CNTLN: variants seen among roughly 807,000 people sequenced by gnomAD.
The protein encoded by CNTLN is centlein, also known as centlein, centrosomal protein.
In CNTLN, 212 loss-of-function variants were observed where a neutral mutation model predicts 180.0. That is an observed-to-expected ratio of 1.18 (90% CI 1.05 to 1.32). The LOEUF is 1.32. Among genes scored for constraint, CNTLN ranks in the 40% most tolerant of loss-of-function variants. The pLI, the probability that CNTLN is intolerant of heterozygous loss-of-function variation, is 0.00. For missense variants in CNTLN, 2,095 were observed against 1,610.9 expected, an observed-to-expected ratio of 1.30 and a Z score of -5.14; for synonymous variants, 722 against 563.1, an observed-to-expected ratio of 1.28 and a Z score of -3.99.
chr9:17,177,378 C>T (rs1820784933), intron 2 of CNTLN, among the ~76,000 whole-genome samples: 1 of 151,812 alleles, frequency 6.6e-6, no homozygotes, highest in Admixed American at 6.6e-5. Flanking sequence ...CACTGCACTC[C>T]AGCCTGGGCG....
intron 3 of CNTLN, among the ~76,000 whole-genome samples, chr9:17,227,900 A>G (rs1369371395): frequency 2.6e-5 from 4 of 152,098 alleles, no homozygotes; most frequent in Admixed American, 2.6e-4. Flanking sequence ...GTACTCTAAA[A>G]TAGGTAAATG....
At chr9:17,528,335 G>A in the CNTLN span, among the ~76,000 whole-genome samples, 2 of 152,200 alleles carry the variant, frequency 1.3e-5, no homozygotes, top group Non-Finnish European at 2.9e-5. Flanking sequence ...ATGCTGTGAT[G>A]AAAATGGAGC....
intron 19 of CNTLN, among the ~76,000 whole-genome samples, chr9:17,461,109 T>C (rs1207729972): frequency 6.6e-6 from 1 of 151,512 alleles, no homozygotes; most frequent in Non-Finnish European, 1.5e-5. Context: ...AAGCCATCAC[T>C]ATATTATAGT....
chr9:17,516,903 T>C, the CNTLN span, among the ~76,000 whole-genome samples: 4 of 152,184 alleles, frequency 2.6e-5, no homozygotes, highest in Non-Finnish European at 4.4e-5. Flanking sequence ...GCCTGACACA[T>C]AGTAAGGATC....
At chr9:17,182,995 C>T (rs1821216405) in intron 2 of CNTLN, among the ~76,000 whole-genome samples, 1 of 152,160 alleles carries the variant, frequency 6.6e-6, no homozygotes, top group African/African-American at 2.4e-5. Flanking sequence ...TACTGGAGGT[C>T]TGTGTCTTCA....
intron 12 of CNTLN, among the ~76,000 whole-genome samples, chr9:17,350,188 A>T (rs1173474198): frequency 6.6e-6 from 1 of 152,240 alleles, no homozygotes; most frequent in Admixed American, 6.5e-5. Context: ...GCAGCAGAAA[A>T]TTAAGCTTCT....
At chr9:17,410,950 C>T (rs1484453261) in intron 16 of CNTLN, among the ~76,000 whole-genome samples, 1 of 152,146 alleles carries the variant, frequency 6.6e-6, no homozygotes, top group Non-Finnish European at 1.5e-5. Context: ...AAGTTTCCCA[C>T]CTTCTTGTTC....
intron 7 of CNTLN, chr9:17,299,840 T>C: frequency 1.0e-6 from 1 of 979,694 alleles, no homozygotes; most frequent in Non-Finnish European, 1.2e-6. Flanking sequence ...TTTCTGTTGC[T>C]TGAAACATTT....
At chr9:17,438,991 C>T (rs1227736591) in intron 18 of CNTLN, among the ~76,000 whole-genome samples, 1 of 152,108 alleles carries the variant, frequency 6.6e-6, no homozygotes, top group Admixed American at 6.6e-5. Context: ...TATACTTTAT[C>T]ATTCTCTATG....
rs771708016 is a variant in CNTLN, at chr9:17,143,322, G to C, written c.395G>C (p.Arg132Pro). 6.2e-7 allele frequency: 1 copy of C among 1,613,460 alleles called. No individual in the cohort carries two copies. The highest frequency in any genetic ancestry group is 2.2e-5 in the East Asian group (1 of 44,816). ...GAATTTGTATGGTCTTTGTGGAAAC[G>C]TCTCCAGGTTACAAACCCAGATCTC... ...DKEFVWSLWKRLQVTNPDLTQ... is the reference protein window; with the variant it reads ...DKEFVWSLWKPLQVTNPDLTQ... The change falls in exon 2 of 26, where the codon CGT (arginine) becomes CCT (proline). Residue 132 changes from arginine (R) to proline (P), a missense_variant. Transcript: ENST00000380647.
In CNTLN at chr9:17,308,979, T is replaced by TAC. The variant is rs1370354187; in HGVS notation, c.1147-63_1147-62dup. 4.4e-3 allele frequency: 3,378 copies of TAC among 770,612 alleles called. 55 individuals are homozygous for TAC. The African/African-American group carries it at 0.046, about 10-fold the overall frequency. 47.7% of individuals were successfully genotyped at this position (770,612 alleles called of 1,614,324 possible). ...TGTTTATACAGTTCATATGTATATA[T>TAC]ACACACACACACACACAGACACACA... is the stretch of plus-strand genomic sequence containing the variant. On this transcript the variant is annotated intron_variant, in intron 7 of 25. Coordinates refer to ENST00000380647, the MANE Select transcript of CNTLN (RefSeq NM_017738.4).
At chr9:17,295,602 C>G (rs1817837593) in intron 6 of CNTLN, among the ~76,000 whole-genome samples, 1 of 152,186 alleles carries the variant, frequency 6.6e-6, no homozygotes, top group East Asian at 1.9e-4. Flanking sequence ...GGTGGGGGGC[C>G]TCCGACCACA....
intron 7 of CNTLN, chr9:17,299,931 T>G: frequency 3.3e-6 from 1 of 303,320 alleles, no homozygotes; most frequent in Non-Finnish European, 4.8e-6. Flanking sequence ...TTAATTTCTT[T>G]GTGGTCCTCC....
intron 13 of CNTLN, among the ~76,000 whole-genome samples, chr9:17,369,673 T>C (rs1824139596): frequency 6.6e-6 from 1 of 151,626 alleles, no homozygotes; most frequent in Non-Finnish European, 1.5e-5. Context: ...ATTAGTGAGC[T>C]TGAAGACAGG....
chr9:17,226,319 C>T, intron 3 of CNTLN, 32 bp downstream of exon 3: 1 of 1,241,260 alleles, frequency 8.1e-7, no homozygotes, highest in Non-Finnish European at 1.1e-6. Flanking sequence ...TTTAAATTAA[C>T]TATATTTGTT....
chr9:17,463,297 T>G (rs985616253), intron 20 of CNTLN, among the ~76,000 whole-genome samples: 5 of 151,664 alleles, frequency 3.3e-5, no homozygotes, highest in African/African-American at 1.2e-4. Context: ...TGAAAAACTT[T>G]ACAACGTGGT....
chr9:17,138,254 AGT>A (rs1372504371), intron 1 of CNTLN, among the ~76,000 whole-genome samples: 1 of 152,200 alleles, frequency 6.6e-6, no homozygotes, highest in Non-Finnish European at 1.5e-5. Context: ...ATGAGAAAAA[AGT>A]GTTATGTTTA....
chr9:17,144,820 T>G (rs1220800819), intron 2 of CNTLN, among the ~76,000 whole-genome samples: 2 of 148,610 alleles, frequency 1.3e-5, no homozygotes, highest in African/African-American at 4.9e-5. Flanking sequence ...TTTATTTATT[T>G]TATTTTATTT....
intron 2 of CNTLN, among the ~76,000 whole-genome samples, chr9:17,155,639 C>A (rs554296512): frequency 6.6e-6 from 1 of 152,274 alleles, no homozygotes; most frequent in Admixed American, 6.5e-5. Context: ...CCAGGTGGAT[C>A]TCAGATTGCT....
Sources: allele counts gnomAD v4.1 joint callset (sites outside exome capture counted in the v4.1 genomes callset), GRCh38; gene constraint gnomAD v4.1.1; transcripts MANE v1.5; gene names NCBI Gene and HGNC (gene_info 2026-07-23, HGNC 2026-07-21).